Variants in ZNF329 observed in about 807,000 individuals in gnomAD.
ZNF329 encodes the protein zinc finger protein 329.
A neutral mutation model predicts 26.6 loss-of-function variants in ZNF329; 15 were observed. The ratio of observed to expected loss-of-function variants is 0.56; its 90% CI spans 0.38 to 0.87. ZNF329 has a LOEUF of 0.87. ZNF329 is among the 40% of genes least tolerant of loss of function. The pLI is 0.00. For synonymous variants in ZNF329, 239 were observed against 233.5 expected (o/e 1.02, Z -0.21); for missense variants, 651 against 651.9 (o/e 1.00, Z 0.02).
At chr19:58,143,835 C>G (rs2075238677) in intron 1 of ZNF329, among the ~76,000 whole-genome samples, 1 of 152,058 alleles carries the variant, frequency 6.6e-6, no homozygotes, top group African/African-American at 2.4e-5. Flanking sequence ...AATCCCAGGA[C>G]TTTGGGAGGC....
intron 1 of ZNF329, among the ~76,000 whole-genome samples, chr19:58,147,531 G>A (rs1316398505): frequency 1.3e-4 from 18 of 138,356 alleles, no homozygotes; most frequent in African/African-American, 4.9e-4. Context: ...CAGCCGCCCC[G>A]CCCGGGAGGG....
chr19:58,130,915 C>T (rs2074925769), intron 3 of ZNF329, among the ~76,000 whole-genome samples: 1 of 152,024 alleles, frequency 6.6e-6, no homozygotes, highest in Admixed American at 6.6e-5. Flanking sequence ...GATCTTGGTT[C>T]ACTGAAGCCT....
At chr19:58,142,384 T>C (rs2075208592) in intron 3 of ZNF329, among the ~76,000 whole-genome samples, 173 bp downstream of exon 3, 2 of 152,268 alleles carry the variant, frequency 1.3e-5, no homozygotes, top group South Asian at 4.1e-4. Context: ...ATGTGAATTA[T>C]ATCTCAATAA....
Position 58,128,328 on chromosome 19 carries a change from G to A in ZNF329, c.1176C>T (p.Ile392=), listed in dbSNP as rs767293093. 16 of 1,614,094 alleles carry A rather than the reference G, an allele frequency of 9.9e-6. No homozygotes were observed. The highest frequency in any genetic ancestry group is 1.4e-5 in the Non-Finnish European group (16 of 1,180,006). ...RNSHLIVHQK[I]HSGEKPYECK... ...ATTCATAGGGTTTCTCCCCAGAATG[G>A]ATCTTTTGATGCACAATGAGGTGAG... Residue 392 remains isoleucine (I), a synonymous_variant, in exon 4 of 4, where the codon ATC becomes ATT. Transcript: ENST00000598312.
chr19:58,129,443 C>G lies in ZNF329; in HGVS notation c.61G>C (p.Val21Leu). The stretch of plus-strand genomic sequence containing the variant: ...GGAACTTCCCTTGTGAATCTTTCCA[C>G]TTCTACATCACAGGGTACTTCTCTC... Reference protein sequence around the residue: ...PEREVPCDVEVERFTREVPCL... With the variant: ...PEREVPCDVELERFTREVPCL... Residue 21 changes from valine to leucine, a missense_variant, in exon 4 of 4, where the codon GTG becomes CTG. Transcript: ENST00000598312. The G allele has an allele frequency of 6.2e-7, 1 of 1,614,032 alleles. No homozygotes were observed. Among genetic ancestry groups the G allele is most frequent in the African/African-American group, 1.3e-5 (1 of 75,044 alleles).
rs2146053005 is a variant in ZNF329, at chr19:58,128,816, G to C, written c.688C>G (p.Pro230Ala). 6.2e-7 allele frequency: 1 copy of C among 1,606,180 alleles called. No individual in the cohort carries two copies. Among genetic ancestry groups the C allele is most frequent in the East Asian group, 2.2e-5 (1 of 44,838 alleles). Residue 230 changes from proline to alanine, a missense_variant, in exon 4 of 4, where the codon CCT becomes GCT. Coordinates refer to ENST00000598312, the MANE Select transcript of ZNF329 (RefSeq NM_024620.4). ...TTTCCACACTCATTACAAGTATAAGGCTTCTCTCCGGTGTGAGTTCGGTGA... is the reference window on the plus strand; with the variant it reads ...TTTCCACACTCATTACAAGTATAAGCCTTCTCTCCGGTGTGAGTTCGGTGA... ...LHHRTHTGEK[P>A]YTCNECGKSF...
chr19:58,142,761 A>T (rs1187626257), intron 2 of ZNF329, 100 bp from the exon 3 acceptor site: 1 of 152,338 alleles, frequency 6.6e-6, no homozygotes, highest in Non-Finnish European at 1.5e-5. Context: ...AAAGTCAGCC[A>T]TGTGATTACA....
chr19:58,154,245 G>A (rs1428163695), upstream of ZNF329, among the ~76,000 whole-genome samples: 1 of 152,120 alleles, frequency 6.6e-6, no homozygotes, highest in Non-Finnish European at 1.5e-5. Flanking sequence ...CTGAGCTCAG[G>A]CAATCCGCCC....
upstream of ZNF329, among the ~76,000 whole-genome samples, chr19:58,153,051 T>C (rs79222418): frequency 0.12 from 18,088 of 152,198 alleles, 1,357 homozygotes; most frequent in Middle Eastern, 0.23. Context: ...GGGTGTTTTT[T>C]CCATTCAGTG....
Position 58,128,408 on chromosome 19 carries a change from T to A in ZNF329, c.1096A>T (p.Thr366Ser). 1 of 1,614,076 alleles carries A rather than the reference T, an allele frequency of 6.2e-7. No homozygotes were observed. Residue 366 changes from threonine (T) to serine (S), a missense_variant, in exon 4 of 4, where the codon ACT (threonine) becomes TCT (serine). Coordinates refer to ENST00000598312, the MANE Select transcript of ZNF329 (RefSeq NM_024620.4). ...SYLTQHERTH[T>S]GEKPFECAEC... ...GCACACTCAAAGGGCTTTTCTCCAGTGTGAGTCCTCTCATGCTGGGTGAGG... is the reference window on the plus strand; with the variant it reads ...GCACACTCAAAGGGCTTTTCTCCAGAGTGAGTCCTCTCATGCTGGGTGAGG...
chr19:58,148,203 T>TA (rs1056193915), intron 1 of ZNF329, among the ~76,000 whole-genome samples: 8 of 151,560 alleles, frequency 5.3e-5, no homozygotes, highest in Admixed American at 1.3e-4. Flanking sequence ...GCATGCTCCT[T>TA]AAGAGTCATC....
At chr19:58,133,834 T>TA (rs11403328) in intron 3 of ZNF329, among the ~76,000 whole-genome samples, 23,574 of 145,114 alleles carry the variant, frequency 0.16, 1,758 homozygotes, top group Admixed American at 0.2. Flanking sequence ...TGTCATCTCT[T>TA]AAAAAAAAAA....
At chr19:58,134,100 G>A (rs1243546596) in intron 3 of ZNF329, among the ~76,000 whole-genome samples, 1 of 152,192 alleles carries the variant, frequency 6.6e-6, no homozygotes, top group Non-Finnish European at 1.5e-5. Context: ...AACCAGGGAT[G>A]TTTCTACTTC....
At chr19:58,149,220 T>C (rs888455735) in intron 1 of ZNF329, among the ~76,000 whole-genome samples, 22 of 152,186 alleles carry the variant, frequency 1.4e-4, no homozygotes, top group Non-Finnish European at 1.5e-5. Context: ...GCATGAATAA[T>C]CCACCCCTTG....
Position 58,128,683 on chromosome 19 carries a change from A to G in ZNF329, c.821T>C (p.Leu274Pro). Residue 274 changes from leucine to proline, a missense_variant, in exon 4 of 4, where the codon CTG becomes CCG. Physicochemically the swap from Leu to Pro is moderately conservative, Grantham distance 98. Coordinates refer to ENST00000598312, the MANE Select transcript of ZNF329 (RefSeq NM_024620.4). Reference sequence around the variant, plus strand: ...TGTGTGAATTCTCTGGTGCTGTGTCAGAGCTGAGCCATCACTGAAAGCTTT... The same window carrying G: ...TGTGTGAATTCTCTGGTGCTGTGTCGGAGCTGAGCCATCACTGAAAGCTTT... ...CGKAFSDGSA[L>P]TQHQRIHTGE... 6.2e-7 allele frequency: 1 copy of G among 1,605,140 alleles called. No homozygotes were observed. The highest frequency in any genetic ancestry group is 8.5e-7 in the Non-Finnish European group (1 of 1,175,772).
Position 58,128,005 on chromosome 19 carries a change from A to C in ZNF329, c.1499T>G (p.Val500Gly). Residue 500 changes from valine to glycine, a missense_variant, in exon 4 of 4, where the codon GTA becomes GGA. Coordinates refer to ENST00000598312, the MANE Select transcript of ZNF329 (RefSeq NM_024620.4). ...CTCCCTGCTATGGAGTCTCTGATGT[A>C]CTGCCAGGTGAGAGTTCTGCTTGAA... ...KSFKQNSHLA[V>G]HQRLHSREGP... The C allele has an allele frequency of 6.2e-7, 1 of 1,614,030 alleles. No individual in the cohort carries two copies. Among genetic ancestry groups the C allele is most frequent in the Non-Finnish European group, 8.5e-7 (1 of 1,179,996 alleles).
rs906314171 is a variant in ZNF329, at chr19:58,126,575, A to C, written c.*1303T>G. ...GTGGGGTGATAACATAAACATAACA[A>C]CTCAGTATTTTTGCTTCAACAACTA... On this transcript the variant is annotated 3_prime_UTR_variant, in exon 4 of 4. Transcript: ENST00000598312. 2 of 152,144 alleles carry C rather than the reference A, an allele frequency of 1.3e-5. No individual in the cohort carries two copies. Among genetic ancestry groups the C allele is most frequent in the African/African-American group, 4.8e-5 (2 of 41,410 alleles). The allele number at this position is 152,144 out of a possible 1,614,324, so 9.4% of individuals were successfully genotyped here.
In ZNF329 at chr19:58,150,316, G is replaced by A. The variant is rs2075420544; in HGVS notation, c.-208+436C>T. Among the ~76,000 whole-genome samples, 7 of 152,300 alleles carry A rather than the reference G, an allele frequency of 4.6e-5. No individual in the cohort carries two copies. The South Asian group carries it at 1.4e-3, about 32-fold the overall frequency. ...CTGGCTCACGGCCGCCAATTCAGCCGGAGGCCGACCCAAGCCTACACTGCC... is the reference window on the plus strand; with the variant it reads ...CTGGCTCACGGCCGCCAATTCAGCCAGAGGCCGACCCAAGCCTACACTGCC... On this transcript the variant is annotated intron_variant, in intron 1 of 3. Transcript: ENST00000598312.
intron 3 of ZNF329, among the ~76,000 whole-genome samples, chr19:58,138,184 C>T (rs886469610): frequency 3.9e-5 from 6 of 152,042 alleles, no homozygotes; most frequent in Admixed American, 3.9e-4. Flanking sequence ...GCCCTTACAC[C>T]TTATCCCAAT....
Sources: gnomAD v4.1 joint callset for allele counts (sites outside exome capture counted in the v4.1 genomes callset) on GRCh38, gnomAD v4.1.1 for gene constraint, MANE v1.5 for transcripts, NCBI Gene and HGNC (gene_info 2026-07-23, HGNC 2026-07-21) for gene names.